DRAM2: variants seen among roughly 807,000 people sequenced by gnomAD.
DRAM2 encodes DNA damage regulated autophagy modulator 2, also known as DNA damage-regulated autophagy modulator protein 2.
Under a neutral mutation model 33.5 loss-of-function variants are expected in DRAM2, and 26 were observed. The observed-to-expected ratio is 0.78, with a 90% CI of 0.57 to 1.08. The LOEUF (loss-of-function observed/expected upper bound fraction) is 1.08, where lower values mean the gene tolerates loss of function less well. DRAM2 is among the 50% of genes least tolerant of loss of function. DRAM2 has a pLI of 0.00. For synonymous variants in DRAM2, 98 were observed against 109.5 expected (o/e 0.89, Z 0.66); for missense variants, 311 against 318.1 (o/e 0.98, Z 0.17).
intron 9 of DRAM2, 60 bp downstream of exon 9, chr1:111,118,745 A>G (rs1557880474): frequency 7.5e-7 from 1 of 1,327,828 alleles, no homozygotes; most frequent in East Asian, 2.5e-5. Context: ...CTCTTAGTCT[A>G]CCTTCCTGGA....
intron 3 of DRAM2, among the ~76,000 whole-genome samples, 155 bp from the exon 4 acceptor site, chr1:111,131,723 C>T (rs879653268): frequency 6.6e-6 from 1 of 152,218 alleles, no homozygotes; most frequent in Non-Finnish European, 1.5e-5. Context: ...CTCTCCTTCC[C>T]TTTCTTAGTG....
At position 111,117,612 on chromosome 1, in the gene DRAM2, AAG is replaced by A. The variant is rs1557878490; in HGVS notation, c.*546_*547del. 6.5e-6 allele frequency: 1 copy of A among 154,160 alleles called. No homozygotes were observed. The highest frequency in any genetic ancestry group is 1.4e-5 in the Non-Finnish European group (1 of 69,458). The allele number at this position is 154,160 out of a possible 1,614,324, so 9.5% of individuals were successfully genotyped here. ...CTCTTGGGCAACACTTAAGCCATGGAAGAGCCCACATGAATCCAGGTCTACTT... is the reference window on the plus strand; with the variant it reads ...CTCTTGGGCAACACTTAAGCCATGGAAGCCCACATGAATCCAGGTCTACTT... On this transcript the variant is annotated 3_prime_UTR_variant, in exon 10 of 10. Coordinates refer to ENST00000484310, the MANE Select transcript of DRAM2 (RefSeq NM_001349884.2).
chr1:111,120,775 A>C, intron 6 of DRAM2, 82 bp from the exon 7 acceptor site: 1 of 1,234,142 alleles, frequency 8.1e-7, no homozygotes, highest in Non-Finnish European at 1.1e-6. Flanking sequence ...CACAACCCAG[A>C]GATTTCAATA....
At chr1:111,136,590 CAAAAAAACAA>C (rs1217454808) in intron 3 of DRAM2, among the ~76,000 whole-genome samples, 1 of 147,864 alleles carries the variant, frequency 6.8e-6, no homozygotes, top group African/African-American at 2.5e-5. Flanking sequence ...ATCTCAAAAA[CAAAAAAACAA>C]AAAAAAACAA....
chr1:111,129,926 A>G (rs1651729314), intron 4 of DRAM2, among the ~76,000 whole-genome samples: 1 of 152,214 alleles, frequency 6.6e-6, no homozygotes, highest in Admixed American at 6.5e-5. Flanking sequence ...AATTGTCTCT[A>G]GGGTGTAGAA....
chr1:111,123,377 G>T (rs913609254), intron 6 of DRAM2, among the ~76,000 whole-genome samples: 4 of 152,126 alleles, frequency 2.6e-5, no homozygotes, highest in African/African-American at 9.7e-5. Flanking sequence ...CAAAAATTCT[G>T]TCCTTCACCA....
At chr1:111,131,951 A>G (rs1426332216) in intron 3 of DRAM2, among the ~76,000 whole-genome samples, 1 of 152,160 alleles carries the variant, frequency 6.6e-6, no homozygotes, top group Non-Finnish European at 1.5e-5. Flanking sequence ...TGAAATACAT[A>G]TGTATTTGGT....
At chr1:111,130,699 CA>C (rs1252596900) in intron 4 of DRAM2, among the ~76,000 whole-genome samples, 173 of 100,862 alleles carry the variant, frequency 1.7e-3, no homozygotes, top group Admixed American at 1.7e-3. Flanking sequence ...GATTCCATCT[CA>C]AAAAAAAAAA....
At chr1:111,136,475 G>A (rs188613644) in intron 3 of DRAM2, among the ~76,000 whole-genome samples, 1 of 152,168 alleles carries the variant, frequency 6.6e-6, no homozygotes, top group African/African-American at 2.4e-5. Flanking sequence ...TGAAGTAGGA[G>A]AATGGAGGCT....
At chr1:111,129,648 T>C (rs1651677342) in intron 4 of DRAM2, among the ~76,000 whole-genome samples, 1 of 152,174 alleles carries the variant, frequency 6.6e-6, no homozygotes, top group Non-Finnish European at 1.5e-5. Context: ...TCTAGCAATC[T>C]CACTTCTAGA....
At chr1:111,137,028 C>T (rs947265064) in intron 3 of DRAM2, among the ~76,000 whole-genome samples, 5 of 149,880 alleles carry the variant, frequency 3.3e-5, no homozygotes, top group Non-Finnish European at 4.4e-5. Flanking sequence ...TCGAGGCAGG[C>T]GGATCACGAG....
intron 3 of DRAM2, among the ~76,000 whole-genome samples, chr1:111,134,497 TTTCC>T (rs1283364367): frequency 1.2e-4 from 19 of 152,416 alleles, no homozygotes; most frequent in Non-Finnish European, 2.9e-5. Flanking sequence ...TCTCTTCCTT[TTTCC>T]TTGTCAGTCC....
At chr1:111,139,344 G>A (rs1425101804) in intron 2 of DRAM2, among the ~76,000 whole-genome samples, 157 bp downstream of exon 2, 3 of 152,204 alleles carry the variant, frequency 2.0e-5, no homozygotes, top group Non-Finnish European at 2.9e-5. Context: ...CCCAGGACCA[G>A]CAATTTCCTT....
intron 3 of DRAM2, among the ~76,000 whole-genome samples, chr1:111,132,938 C>T (rs1557899718): frequency 6.6e-6 from 1 of 151,954 alleles, no homozygotes; most frequent in Non-Finnish European, 1.5e-5. Context: ...CTTCAGCCTC[C>T]CAAATTGCTG....
chr1:111,118,497 A>G (rs1649361047), intron 9 of DRAM2: 2 of 496,870 alleles, frequency 4.0e-6, no homozygotes, highest in Non-Finnish European at 7.0e-6. Flanking sequence ...ACTAAGAATC[A>G]GTAAAACTAA....
At chr1:111,124,639 T>G in intron 6 of DRAM2, 103 bp downstream of exon 6, 1 of 1,279,088 alleles carries the variant, frequency 7.8e-7, no homozygotes, top group Non-Finnish European at 1.1e-6. Context: ...TTTGCTAAGG[T>G]AAAGAAATAA....
rs1553225380 is a variant in DRAM2, at chr1:111,117,701, T to A, written c.*459A>T. 3 of 158,548 alleles carry A rather than the reference T, an allele frequency of 1.9e-5. No individual in the cohort carries two copies. In the South Asian group the frequency reaches 5.4e-4, roughly 28 times the overall value. 9.8% of individuals were successfully genotyped at this position (158,548 alleles called of 1,614,324 possible). A position where few individuals can be genotyped will look rare whatever the true frequency, so the allele number is the denominator to read the frequency against. ...TGTAAGACTACAAGAAATGATTTAA[T>A]ATGATAAAACTCCCATTTCAAAACC... On this transcript the variant is annotated 3_prime_UTR_variant, in exon 10 of 10. Transcript: ENST00000484310.
chr1:111,120,410 A>T, intron 7 of DRAM2, 106 bp downstream of exon 7: 1 of 408,708 alleles, frequency 2.4e-6, no homozygotes, highest in Non-Finnish European at 3.7e-6. Flanking sequence ...AAAAAAAAAA[A>T]AAAAAAAAAG....
Position 111,138,002 on chromosome 1 carries a change from C to A in DRAM2, c.-78-416G>T, listed in dbSNP as rs147115591. 2.4e-3 allele frequency among the ~76,000 whole-genome samples: 365 copies of A among 152,344 alleles called. 1 individual carries two copies. Among genetic ancestry groups the A allele is most frequent in the African/African-American group, 8.2e-3 (341 of 41,576 alleles). On this transcript the variant is annotated intron_variant, in intron 2 of 9. Coordinates refer to ENST00000484310, the MANE Select transcript of DRAM2 (RefSeq NM_001349884.2). ...TCTCTAAACACAAGTCCTACCTTTA[C>A]TACTACCCAACTCTATGATTTCAGG...
Sources: allele counts gnomAD v4.1 joint callset (sites outside exome capture counted in the v4.1 genomes callset), GRCh38; gene constraint gnomAD v4.1.1; transcripts MANE v1.5; gene names NCBI Gene and HGNC (gene_info 2026-07-23, HGNC 2026-07-21).